The following OR8J1 variants were observed in gnomAD, a reference collection of about 807,000 sequenced individuals.
The protein encoded by OR8J1 is olfactory receptor family 8 subfamily J member 1.
For synonymous variants in OR8J1, 157 were observed against 144.3 expected (o/e 1.09, Z -0.63); for missense variants, 400 against 373.0 (o/e 1.07, Z -0.60).
At position 56,358,636 on chromosome 11, in the gene OR8J1, G is replaced by A. The variant is rs539851980; in HGVS notation, c.-20-1591G>A. Among the ~76,000 whole-genome samples, 51 of 152,262 alleles carry A rather than the reference G, an allele frequency of 3.3e-4. 1 individual carries two copies. In the South Asian group the frequency reaches 9.7e-3, roughly 29 times the overall value. ...AAAAGACCTTCCCATAACATACCATGTGAAAATATTCTCCCAAGTTGTCAT... is the reference window on the plus strand; with the variant it reads ...AAAAGACCTTCCCATAACATACCATATGAAAATATTCTCCCAAGTTGTCAT... On this transcript the variant is annotated intron_variant, in intron 1 of 1. Coordinates refer to ENST00000533152, the MANE Select transcript of OR8J1 (RefSeq NM_001005205.3).
At position 56,360,751 on chromosome 11, in the gene OR8J1, T is replaced by G. The variant is rs142307851; in HGVS notation, c.505T>G (p.Cys169Gly). Residue 169 changes from cysteine (C) to glycine (G), a missense_variant, in exon 2 of 2, where the codon TGC becomes GGC. Coordinates refer to ENST00000533152, the MANE Select transcript of OR8J1 (RefSeq NM_001005205.3). ...ATCTTATGTATTCTCTGTGTCTTATTGCTCTTCTAATATAATCAATCATTT... is the reference window on the plus strand; with the variant it reads ...ATCTTATGTATTCTCTGTGTCTTATGGCTCTTCTAATATAATCAATCATTT... ...VSSYVFSVSY[C>G]SSNIINHFYC... The G allele has an allele frequency of 1.0e-5, 16 of 1,602,474 alleles. No homozygotes were observed. In the African/African-American group the frequency reaches 2.0e-4, roughly 20 times the overall value.
chr11:56,361,075 G>T lies in OR8J1; in HGVS notation c.829G>T (p.Val277Leu), dbSNP rs748958270. 3 of 1,515,004 alleles carry T rather than the reference G, an allele frequency of 2.0e-6. No homozygotes were observed. The highest frequency in any genetic ancestry group is 2.6e-6 in the Non-Finnish European group (3 of 1,139,646). The allele number at this position is 1,515,004 out of a possible 1,614,324, so 93.8% of individuals were successfully genotyped here. A position where few individuals can be genotyped will look rare whatever the true frequency, so the allele number is the denominator to read the frequency against. ...SLDTDDKMASVFYTLVIPMLN... is the reference protein window; with the variant it reads ...SLDTDDKMASLFYTLVIPMLN... Reference sequence around the variant, plus strand: ...GGATACTGATGATAAGATGGCTTCTGTGTTTTACACGTTGGTAATTCCTAT... The same window carrying T: ...GGATACTGATGATAAGATGGCTTCTTTGTTTTACACGTTGGTAATTCCTAT... Residue 277 changes from valine to leucine, a missense_variant, in exon 2 of 2, where the codon GTG becomes TTG. By Grantham distance (32) the Val-to-Leu change is conservative. Coordinates refer to ENST00000533152, the MANE Select transcript of OR8J1 (RefSeq NM_001005205.3).
At position 56,360,532 on chromosome 11, in the gene OR8J1, G is replaced by T; in HGVS notation, c.286G>T (p.Glu96Ter). The T allele has an allele frequency of 1.2e-6, 2 of 1,614,110 alleles. No individual in the cohort carries two copies. The highest frequency in any genetic ancestry group is 1.7e-6 in the Non-Finnish European group (2 of 1,180,020). The part of the protein sequence containing the change: ...LVKKKTTSFY[E>*]CATQLGGFLF... Reference sequence around the variant, plus strand: ...AAAGAAGAAAACTACCTCATTCTATGAATGTGCCACCCAACTGGGAGGGTT... The same window carrying T: ...AAAGAAGAAAACTACCTCATTCTATTAATGTGCCACCCAACTGGGAGGGTT... Residue 96 changes from glutamate to a stop codon, truncating the protein, a stop_gained, in exon 2 of 2, where the codon GAA (glutamate) becomes TAA (stop). Coordinates refer to ENST00000533152, the MANE Select transcript of OR8J1 (RefSeq NM_001005205.3). LOFTEE classifies it low-confidence loss of function (END_TRUNC).
intron 1 of OR8J1, among the ~76,000 whole-genome samples, chr11:56,359,267 T>C (rs1339624197): frequency 1.4e-4 from 21 of 152,040 alleles, no homozygotes; most frequent in Non-Finnish European, 1.5e-5. Context: ...TAAAATAGCA[T>C]TTAAATTCTA....
intron 1 of OR8J1, among the ~76,000 whole-genome samples, chr11:56,359,912 A>G (rs6591242): frequency 0.32 from 49,213 of 152,056 alleles, 8,372 homozygotes; most frequent in African/African-American, 0.38. Context: ...ATGATATAAA[A>G]TATTAATTGT....
chr11:56,357,710 A>T, intron 1 of OR8J1: 1 of 1,584,786 alleles, frequency 6.3e-7, no homozygotes, highest in Non-Finnish European at 8.6e-7. Flanking sequence ...CTAGTGATGA[A>T]TACAATGTGG....
intron 1 of OR8J1, chr11:56,358,287 A>T (rs1200843540): frequency 5.8e-6 from 1 of 171,102 alleles, no homozygotes; most frequent in African/African-American, 2.4e-5. Flanking sequence ...CAACTAAAAA[A>T]AATTAAGAAA....
chr11:56,361,482 A>C lies in OR8J1; in HGVS notation c.*285A>C. 1 of 303,846 alleles carries C rather than the reference A, an allele frequency of 3.3e-6. No homozygotes were observed. Among genetic ancestry groups the C allele is most frequent in the Non-Finnish European group, 6.0e-6 (1 of 167,616 alleles). 18.8% of individuals were successfully genotyped at this position (303,846 alleles called of 1,614,324 possible). On this transcript the variant is annotated 3_prime_UTR_variant, in exon 2 of 2. Transcript: ENST00000533152. ...TGGTTTCCAGCAGTTAGAAAAAAAA[A>C]TTAAAAAAAGTTAAATAAGTTTGAA...
At chr11:56,357,723 A>C in intron 1 of OR8J1, 1 of 1,582,038 alleles carries the variant, frequency 6.3e-7, no homozygotes, top group African/African-American at 1.3e-5. Context: ...CAATGTGGAA[A>C]GCATTGATGG....
chr11:56,357,922 T>A (rs1171465916), intron 1 of OR8J1: 1 of 832,190 alleles, frequency 1.2e-6, no homozygotes, highest in East Asian at 2.4e-5. Context: ...AAGGACATCA[T>A]GGGCCAGAAT....
chr11:56,354,879 T>A (rs1469617199), intron 1 of OR8J1, among the ~76,000 whole-genome samples: 2 of 152,160 alleles, frequency 1.3e-5, no homozygotes, highest in Admixed American at 1.3e-4. Flanking sequence ...ATCTATCTTA[T>A]CATAAAATAA....
In OR8J1 at chr11:56,360,655, T is replaced by A; in HGVS notation, c.409T>A (p.Ser137Thr). 6.2e-7 allele frequency: 1 copy of A among 1,611,260 alleles called. No homozygotes were observed. Among genetic ancestry groups the A allele is most frequent in the South Asian group, 1.1e-5 (1 of 90,868 alleles). Residue 137 changes from serine to threonine, a missense_variant, in exon 2 of 2, where the codon TCT becomes ACT. Physicochemically the swap from Ser to Thr is moderately conservative, Grantham distance 58 (BLOSUM62 1). Transcript: ENST00000533152. ...CCCTCTGCTGTACATGGTGGTGGTGTCTCGGCGGCTCTGCCTCCTGCTGGT... is the reference window on the plus strand; with the variant it reads ...CCCTCTGCTGTACATGGTGGTGGTGACTCGGCGGCTCTGCCTCCTGCTGGT... The part of the protein sequence containing the change: ...CNPLLYMVVV[S>T]RRLCLLLVSL...
Position 56,361,485 on chromosome 11 carries a change from A to T in OR8J1, c.*288A>T, listed in dbSNP as rs149134202. On this transcript the variant is annotated 3_prime_UTR_variant, in exon 2 of 2. Coordinates refer to ENST00000533152, the MANE Select transcript of OR8J1 (RefSeq NM_001005205.3). Reference sequence around the variant, plus strand: ...TTTCCAGCAGTTAGAAAAAAAAATTAAAAAAAGTTAAATAAGTTTGAATGA... The same window carrying T: ...TTTCCAGCAGTTAGAAAAAAAAATTTAAAAAAGTTAAATAAGTTTGAATGA... The T allele has an allele frequency of 0.021, 6,020 of 289,690 alleles. 83 individuals carry two copies. Among genetic ancestry groups the T allele is most frequent in the Middle Eastern group, 0.024 (25 of 1,040 alleles). The allele number at this position is 289,690 out of a possible 1,614,324, so 17.9% of individuals were successfully genotyped here. A position where few individuals can be genotyped will look rare whatever the true frequency, so the allele number is the denominator to read the frequency against.
In OR8J1 at chr11:56,361,167, A is replaced by C. The variant is rs144364540; in HGVS notation, c.921A>C (p.Thr307=). ...AGACTGCTCTACAGAGATTCATGAC[A>C]AATCTGTGCTATTCCTTTAAAACAA... ...DVKTALQRFM[T]NLCYSFKTM The change falls in exon 2 of 2, where the codon ACA becomes ACC. Residue 307 remains threonine (T), a synonymous_variant. Transcript: ENST00000533152. 1.4e-6 allele frequency: 2 copies of C among 1,394,838 alleles called. No individual in the cohort carries two copies. Among genetic ancestry groups the C allele is most frequent in the East Asian group, 5.3e-5 (2 of 38,066 alleles). 86.4% of individuals were successfully genotyped at this position (1,394,838 alleles called of 1,614,324 possible).
chr11:56,361,411 A>C lies in OR8J1; in HGVS notation c.*214A>C, dbSNP rs1267068297. ...AAGTTAGAAAAAAAAAATGTTATTT[A>C]CCAATTCTGCCTGGGATTAAGCAGG... On this transcript the variant is annotated 3_prime_UTR_variant, in exon 2 of 2. Coordinates refer to ENST00000533152, the MANE Select transcript of OR8J1 (RefSeq NM_001005205.3). The C allele has an allele frequency of 2.6e-6, 1 of 388,208 alleles. No homozygotes were observed. The highest frequency in any genetic ancestry group is 4.5e-6 in the Non-Finnish European group (1 of 220,290). 24.0% of individuals were successfully genotyped at this position (388,208 alleles called of 1,614,324 possible).
At chr11:56,360,027 C>G (rs1852612530) in intron 1 of OR8J1, among the ~76,000 whole-genome samples, 200 bp from the exon 2 acceptor site, 1 of 152,150 alleles carries the variant, frequency 6.6e-6, no homozygotes, top group Non-Finnish European at 1.5e-5. Context: ...ATTTAATTTA[C>G]TATACGTTTC....
intron 1 of OR8J1, among the ~76,000 whole-genome samples, chr11:56,356,325 C>T (rs955031274): frequency 3.3e-5 from 5 of 152,082 alleles, no homozygotes; most frequent in Non-Finnish European, 7.4e-5. Flanking sequence ...ATGAATATGA[C>T]TTTTGTGATT....
chr11:56,358,241 G>A, intron 1 of OR8J1: 2 of 236,316 alleles, frequency 8.5e-6, no homozygotes, highest in South Asian at 7.6e-5. Flanking sequence ...TTTTCTATGA[G>A]GATTTTTCAG....
At chr11:56,357,848 C>G in intron 1 of OR8J1, 1 of 935,032 alleles carries the variant, frequency 1.1e-6, no homozygotes, top group Non-Finnish European at 1.7e-6. Context: ...CTATCCCTCA[C>G]AGTACCAAAC....
Sources: allele counts gnomAD v4.1 joint callset (sites outside exome capture counted in the v4.1 genomes callset), GRCh38; gene constraint gnomAD v4.1.1; transcripts MANE v1.5; gene names NCBI Gene and HGNC (gene_info 2026-07-23, HGNC 2026-07-21).